PBX1: variants seen among roughly 807,000 people sequenced by gnomAD.
The protein encoded by PBX1 is pre-B-cell leukemia transcription factor 1.
Under a neutral mutation model 53.4 loss-of-function variants are expected in PBX1, and 6 were observed. The ratio of observed to expected loss-of-function variants is 0.11; its 90% confidence interval spans 0.06 to 0.22. The LOEUF (loss-of-function observed/expected upper bound fraction) is 0.22, where lower values mean the gene tolerates loss of function less well. Ranked by LOEUF, PBX1 falls within the 10% of genes least tolerant of loss-of-function variation. The probability of loss-of-function intolerance (pLI) is 1.00; values close to 1 mark genes in which losing one functional copy is unlikely to be tolerated. For missense variants in PBX1, 251 were observed against 551.4 expected, an observed-to-expected ratio of 0.46 and a Z score of 5.46; for synonymous variants, 204 against 212.3, an observed-to-expected ratio of 0.96 and a Z score of 0.34.
At chr1:164,674,818 T>G (rs1661325033) in intron 2 of PBX1, 1 of 126,608 alleles carries the variant, frequency 7.9e-6, no homozygotes. Context: ...AAAGTGACAG[T>G]GAGTATTTAG....
chr1:164,675,169 C>T (rs1661362425), intron 2 of PBX1, among the ~76,000 whole-genome samples: 2 of 152,020 alleles, frequency 1.3e-5, no homozygotes, highest in Admixed American at 6.6e-5. Flanking sequence ...CAGATGATGC[C>T]ACCAGATCTT....
chr1:164,718,764 G>C (rs1277579777), intron 2 of PBX1, among the ~76,000 whole-genome samples: 1 of 152,158 alleles, frequency 6.6e-6, no homozygotes, highest in Admixed American at 6.5e-5. Context: ...GAATATGGTG[G>C]AGATATTGAA....
rs114903176 is a variant in PBX1 at position 164,693,364 on chromosome 1, C to G, written c.266-99130C>G. ...CAATTATTATAATACCTGGAAGGGC[C>G]GAAGAACAAATCAGGCACTGAAAGC... On this transcript the variant is annotated intron_variant, in intron 2 of 8. Coordinates refer to ENST00000420696, the MANE Select transcript of PBX1 (RefSeq NM_002585.4). Among the ~76,000 whole-genome samples the G allele has an allele frequency of 9.2e-3, 1,401 of 152,202 alleles. 26 individuals carry two copies. Among genetic ancestry groups the G allele is most frequent in the African/African-American group, 0.032 (1,314 of 41,518 alleles).
intron 2 of PBX1, among the ~76,000 whole-genome samples, chr1:164,637,632 A>T (rs1391791986): frequency 6.6e-6 from 1 of 152,194 alleles, no homozygotes; most frequent in Non-Finnish European, 1.5e-5. Flanking sequence ...ATTGTGACCA[A>T]TGAGGTTAAG....
At chr1:164,784,311 C>T (rs1668069577) in intron 2 of PBX1, among the ~76,000 whole-genome samples, 2 of 152,210 alleles carry the variant, frequency 1.3e-5, no homozygotes, top group South Asian at 4.1e-4. Flanking sequence ...ACCAAAGCCC[C>T]TCGCCCAGGC....
intron 2 of PBX1, among the ~76,000 whole-genome samples, chr1:164,710,311 AAGACT>A (rs1290943175): frequency 1.3e-5 from 2 of 152,200 alleles, no homozygotes; most frequent in African/African-American, 4.8e-5. Context: ...TCTTATAAGA[AAGACT>A]CCAGATGTTG....
rs1428267486 is a variant in PBX1, at chr1:164,602,174, C to G, written c.265+38863C>G. 2.0e-5 allele frequency among the ~76,000 whole-genome samples: 3 copies of G among 152,060 alleles called. No individual in the cohort carries two copies. The East Asian group carries it at 5.8e-4, about 29-fold the overall frequency. ...AAAAGCTGCCTAACCAGTTCTGGGC[C>G]CTGGCTAGTTACAACCATGTGTGAG... On this transcript the variant is annotated intron_variant, in intron 2 of 8. Transcript: ENST00000420696.
intron 2 of PBX1, among the ~76,000 whole-genome samples, chr1:164,772,167 A>G (rs576477009): frequency 9.2e-5 from 14 of 152,352 alleles, no homozygotes; most frequent in African/African-American, 3.4e-4. Context: ...TAGCAACAAC[A>G]CCTTGTAATT....
intron 2 of PBX1, among the ~76,000 whole-genome samples, chr1:164,673,594 C>T (rs1357289636): frequency 6.6e-6 from 1 of 151,902 alleles, no homozygotes; most frequent in Non-Finnish European, 1.5e-5. Flanking sequence ...CCTCAGCCTC[C>T]TGAGTAGCTG....
chr1:164,655,112 T>TTA (rs1553225122), intron 2 of PBX1, among the ~76,000 whole-genome samples: 1 of 149,806 alleles, frequency 6.7e-6, no homozygotes, highest in Non-Finnish European at 1.5e-5. Flanking sequence ...TTTTTTTTTT[T>TTA]TTTTATTTTT....
intron 3 of PBX1, among the ~76,000 whole-genome samples, chr1:164,793,872 C>CTTTTCT (rs1668652143): frequency 1.3e-5 from 1 of 78,218 alleles, no homozygotes; most frequent in Non-Finnish European, 2.5e-5. Context: ...TTTTTCCTTT[C>CTTTTCT]TTTTTTTTTT....
intron 2 of PBX1, among the ~76,000 whole-genome samples, chr1:164,571,916 T>TATATG (rs1653907739): frequency 1.1e-5 from 1 of 90,228 alleles, no homozygotes; most frequent in Non-Finnish European, 2.1e-5. Flanking sequence ...TATATATATA[T>TATATG]GCTTTTTTTT....
intron 2 of PBX1, among the ~76,000 whole-genome samples, chr1:164,777,913 C>T (rs1667747820): frequency 2.0e-5 from 3 of 152,186 alleles, no homozygotes; most frequent in Admixed American, 2.0e-4. Flanking sequence ...ACTCCATAAC[C>T]TTCTGGTTTT....
rs183962369 is a variant in PBX1, at chr1:164,585,209, G to A, written c.265+21898G>A. Reference sequence around the variant, plus strand: ...TATGTGTAATTTAAACCTCTTCCTGGGGAAGAGTGAAAGAAGAATTTTACC... The same window carrying A: ...TATGTGTAATTTAAACCTCTTCCTGAGGAAGAGTGAAAGAAGAATTTTACC... On this transcript the variant is annotated intron_variant, in intron 2 of 8. Transcript: ENST00000420696. Among the ~76,000 whole-genome samples, 151 of 152,176 alleles carry A rather than the reference G, an allele frequency of 9.9e-4. 1 individual carries two copies. The highest frequency in any genetic ancestry group is 1.8e-3 in the Non-Finnish European group (124 of 68,016).
chr1:164,560,427 A>T, intron 1 of PBX1: 1 of 386,608 alleles, frequency 2.6e-6, no homozygotes, highest in Non-Finnish European at 4.6e-6. Context: ...CTGTAACATT[A>T]CGAAATAAAA....
chr1:164,647,914 A>G (rs1291246288), intron 2 of PBX1, among the ~76,000 whole-genome samples: 17 of 150,646 alleles, frequency 1.1e-4, no homozygotes, highest in African/African-American at 4.2e-4. Context: ...TCCCGGGTTC[A>G]TGCCATTCTC....
chr1:164,646,621 A>G (rs1659469202), intron 2 of PBX1, among the ~76,000 whole-genome samples: 1 of 152,186 alleles, frequency 6.6e-6, no homozygotes, highest in African/African-American at 2.4e-5. Flanking sequence ...AGGAGAGATA[A>G]TAGGTAGAAA....
intron 8 of PBX1, among the ~76,000 whole-genome samples, chr1:164,838,763 A>C (rs1671160332): frequency 6.6e-6 from 1 of 152,110 alleles, no homozygotes; most frequent in Non-Finnish European, 1.5e-5. Context: ...ATGGACCTAT[A>C]ACTGTGCAGT....
intron 2 of PBX1, among the ~76,000 whole-genome samples, chr1:164,568,065 T>G (rs761113209): frequency 3.9e-5 from 6 of 152,202 alleles, no homozygotes; most frequent in Non-Finnish European, 8.8e-5. Flanking sequence ...TGCCCCTGCA[T>G]TCTGTTGACA....
Sources: allele counts gnomAD v4.1 joint callset (sites outside exome capture counted in the v4.1 genomes callset), GRCh38; gene constraint gnomAD v4.1.1; transcripts MANE v1.5; gene names NCBI Gene and HGNC (gene_info 2026-07-23, HGNC 2026-07-21).